Variants in YEATS4 observed in about 807,000 individuals in gnomAD.
The protein encoded by YEATS4 is YEATS domain containing 4.
Under a neutral mutation model 30.1 loss-of-function variants are expected in YEATS4, and 17 were observed. The ratio of observed to expected loss-of-function variants is 0.56; its 90% CI spans 0.39 to 0.85. The LOEUF (loss-of-function observed/expected upper bound fraction) is 0.85, where lower values mean the gene tolerates loss of function less well. YEATS4 is among the 40% of genes least tolerant of loss of function. The pLI is 0.00. For synonymous variants in YEATS4, 85 were observed against 87.5 expected (o/e 0.97, Z 0.16); for missense variants, 142 against 268.3 (o/e 0.53, Z 3.29).
chr12:69,377,848 A>G (rs1875928390), intron 6 of YEATS4, among the ~76,000 whole-genome samples: 2 of 152,178 alleles, frequency 1.3e-5, no homozygotes, highest in South Asian at 4.1e-4. Flanking sequence ...GTAAATACCT[A>G]TTAGGTCCAT....
intron 6 of YEATS4, among the ~76,000 whole-genome samples, chr12:69,384,773 AAAG>A (rs1489608444): frequency 1.3e-5 from 2 of 152,226 alleles, no homozygotes; most frequent in African/African-American, 4.8e-5. Flanking sequence ...TCCAAAAGGC[AAAG>A]AAGAAAAGTT....
At chr12:69,404,969 G>T in the YEATS4 span, among the ~76,000 whole-genome samples, 1 of 152,126 alleles carries the variant, frequency 6.6e-6, no homozygotes, top group Non-Finnish European at 1.5e-5. Context: ...GCAGAAAGCT[G>T]GTATATAGAG....
chr12:69,426,420 G>A, the YEATS4 span, among the ~76,000 whole-genome samples: 25 of 152,214 alleles, frequency 1.6e-4, no homozygotes, highest in African/African-American at 5.5e-4. Flanking sequence ...GCCCAGGCTG[G>A]AGTACAGTGG....
Position 69,362,013 on chromosome 12 carries a change from GTT to G in YEATS4, c.52-755_52-754del, listed in dbSNP as rs533225716. ...TTTTTAAATTGTAGGGTGTTTGGTTGTTTTTTTTTTTTTTTTTTTTTGGAGAC... is the reference window on the plus strand; with the variant it reads ...TTTTTAAATTGTAGGGTGTTTGGTTGTTTTTTTTTTTTTTTTTTTGGAGAC... On this transcript the variant is annotated intron_variant, in intron 1 of 6. Transcript: ENST00000247843. Among the ~76,000 whole-genome samples, 25 of 69,060 alleles carry G rather than the reference GTT, an allele frequency of 3.6e-4. No homozygotes were observed. In the South Asian group the frequency reaches 4.6e-3, roughly 13 times the overall value. 45.3% of individuals were successfully genotyped at this position (69,060 alleles called of 152,430 possible). A position where few individuals can be genotyped will look rare whatever the true frequency, so the allele number is the denominator to read the frequency against.
the YEATS4 span, among the ~76,000 whole-genome samples, chr12:69,414,852 G>T: frequency 4.6e-5 from 7 of 152,216 alleles, no homozygotes; most frequent in Non-Finnish European, 1.0e-4. Context: ...CACTGGGAAT[G>T]AATTCGCACT....
chr12:69,379,340 G>A (rs1875981615), intron 6 of YEATS4, among the ~76,000 whole-genome samples: 1 of 151,866 alleles, frequency 6.6e-6, no homozygotes, highest in Non-Finnish European at 1.5e-5. Flanking sequence ...TTATCCCTTT[G>A]AATAAACTTT....
chr12:69,359,904 GA>G lies in YEATS4; in HGVS notation c.-68del. On this transcript the variant is annotated 5_prime_UTR_variant, in exon 1 of 7. Transcript: ENST00000247843. ...CCCGCGCGACAGGAGCGCGGTCTCT[GA>G]GGGGAGCGGCGACCCCGCCAGCCCC... 1 of 1,599,890 alleles carries G rather than the reference GA, an allele frequency of 6.3e-7. No individual in the cohort carries two copies. Among genetic ancestry groups the G allele is most frequent in the Non-Finnish European group, 8.5e-7 (1 of 1,169,968 alleles).
chr12:69,385,673 A>C (rs151084419), intron 6 of YEATS4, among the ~76,000 whole-genome samples: 35 of 152,346 alleles, frequency 2.3e-4, no homozygotes, highest in Middle Eastern at 3.4e-3. Context: ...ATTTTTATAG[A>C]GAGAATATTT....
chr12:69,404,138 A>G, the YEATS4 span, among the ~76,000 whole-genome samples: 1 of 152,126 alleles, frequency 6.6e-6, no homozygotes, highest in African/African-American at 2.4e-5. Context: ...CCAAATTCCC[A>G]TGCTGAGCTC....
chr12:69,375,195 C>G (rs1013710333), intron 6 of YEATS4, among the ~76,000 whole-genome samples: 6 of 148,974 alleles, frequency 4.0e-5, no homozygotes, highest in African/African-American at 1.5e-4. Flanking sequence ...ACGGGGCGGC[C>G]GGTCAGAGAC....
chr12:69,414,007 T>C, the YEATS4 span, among the ~76,000 whole-genome samples: 2 of 152,204 alleles, frequency 1.3e-5, no homozygotes, highest in Non-Finnish European at 2.9e-5. Flanking sequence ...ACAAGTCTAA[T>C]TGAATCCTGC....
At chr12:69,373,638 G>A (rs547772902) in intron 6 of YEATS4, among the ~76,000 whole-genome samples, 4 of 152,176 alleles carry the variant, frequency 2.6e-5, no homozygotes, top group East Asian at 1.9e-4. Flanking sequence ...ATGTGATCCC[G>A]TTAATCCATT....
At chr12:69,423,228 T>C in the YEATS4 span, among the ~76,000 whole-genome samples, 1 of 152,082 alleles carries the variant, frequency 6.6e-6, no homozygotes. Flanking sequence ...CACACAACCA[T>C]AGGGATTTTT....
the YEATS4 span, among the ~76,000 whole-genome samples, chr12:69,400,564 A>G: frequency 6.6e-6 from 1 of 151,998 alleles, no homozygotes; most frequent in Admixed American, 6.6e-5. Context: ...GAAAAGGTAT[A>G]TGGCCAGGCA....
At chr12:69,399,700 A>C in the YEATS4 span, among the ~76,000 whole-genome samples, 11 of 152,250 alleles carry the variant, frequency 7.2e-5, no homozygotes, top group Non-Finnish European at 1.5e-4. Flanking sequence ...TATTTATAGG[A>C]GCATCATTCA....
intron 6 of YEATS4, among the ~76,000 whole-genome samples, chr12:69,386,873 T>C (rs2121061470): frequency 6.6e-6 from 1 of 152,300 alleles, no homozygotes; most frequent in East Asian, 1.9e-4. Context: ...CCTATACATA[T>C]ATACCTATGA....
chr12:69,387,058 G>A (rs149107018), intron 6 of YEATS4, among the ~76,000 whole-genome samples: 1 of 151,290 alleles, frequency 6.6e-6, no homozygotes, highest in Non-Finnish European at 1.5e-5. Flanking sequence ...GACCGCTATT[G>A]ACAGTGGCTA....
the YEATS4 span, among the ~76,000 whole-genome samples, chr12:69,416,947 C>CCTGTAATCCCA: frequency 6.6e-6 from 1 of 151,470 alleles, no homozygotes; most frequent in African/African-American, 2.4e-5. Flanking sequence ...GTGGTGGGTG[C>CCTGTAATCCCA]CTGTAATCCC....
rs533225716 is a variant in YEATS4, at chr12:69,362,013, G to GTTTTTTTTTTTTT, written c.52-766_52-754dup. On this transcript the variant is annotated intron_variant, in intron 1 of 6. Coordinates refer to ENST00000247843, the MANE Select transcript of YEATS4 (RefSeq NM_006530.4). ...TTTTTAAATTGTAGGGTGTTTGGTT[G>GTTTTTTTTTTTTT]TTTTTTTTTTTTTTTTTTTTTGGAG... Among the ~76,000 whole-genome samples the GTTTTTTTTTTTTT allele has an allele frequency of 9.3e-4, 64 of 69,054 alleles. 3 individuals are homozygous for GTTTTTTTTTTTTT. The highest frequency in any genetic ancestry group is 2.8e-3 in the African/African-American group (57 of 20,114). The allele number at this position is 69,054 out of a possible 152,430, so 45.3% of individuals were successfully genotyped here.
Sources: allele counts gnomAD v4.1 joint callset (sites outside exome capture counted in the v4.1 genomes callset), GRCh38; gene constraint gnomAD v4.1.1; transcripts MANE v1.5; gene names NCBI Gene and HGNC (gene_info 2026-07-23, HGNC 2026-07-21).